TOP3A: variants seen among roughly 807,000 people sequenced by gnomAD.
TOP3A encodes the protein DNA topoisomerase III alpha, also known as DNA topoisomerase 3-alpha.
In TOP3A, 64 loss-of-function variants were observed where a neutral mutation model predicts 111.3. The ratio of observed to expected loss-of-function variants is 0.57; its 90% CI spans 0.47 to 0.71. The LOEUF (loss-of-function observed/expected upper bound fraction) is 0.71. TOP3A is among the 30% of genes least tolerant of loss of function. TOP3A has a pLI of 0.00. For missense variants in TOP3A, 1,104 were observed against 1,285.0 expected (o/e 0.86, Z 2.15); for synonymous variants, 484 against 485.1 (o/e 1.00, Z 0.03).
Position 18,285,400 on chromosome 17 carries a change from C to T in TOP3A, c.1711+7G>A, listed in dbSNP as rs1980027092. ...CACTACCCACTGCAAGCTCTGTCCTCCCTTACCTTCCACAAGTCCCATGCC... is the reference window on the plus strand; with the variant it reads ...CACTACCCACTGCAAGCTCTGTCCTTCCTTACCTTCCACAAGTCCCATGCC... On this transcript the variant is annotated splice_region_variant and intron_variant, in intron 14 of 18. Coordinates refer to ENST00000321105, the MANE Select transcript of TOP3A (RefSeq NM_004618.5). The T allele has an allele frequency of 1.9e-6, 3 of 1,613,964 alleles. No homozygotes were observed. The highest frequency in any genetic ancestry group is 1.3e-5 in the African/African-American group (1 of 74,910).
chr17:18,308,855 A>G lies in TOP3A; in HGVS notation c.240+27T>C, dbSNP rs375857629. The G allele has an allele frequency of 1.8e-5, 26 of 1,448,842 alleles. No homozygotes were observed. In the African/African-American group the frequency reaches 3.0e-4, roughly 17 times the overall value. The allele number at this position is 1,448,842 out of a possible 1,614,324, so 89.7% of individuals were successfully genotyped here. A position where few individuals can be genotyped will look rare whatever the true frequency, so the allele number is the denominator to read the frequency against. On this transcript the variant is annotated intron_variant, in intron 2 of 18. Transcript: ENST00000321105. Reference sequence around the variant, plus strand: ...CTACTTTCTCTTGCTTATGATTGAAATATTTTAGAAATATTTTAGCACCTA... The same window carrying G: ...CTACTTTCTCTTGCTTATGATTGAAGTATTTTAGAAATATTTTAGCACCTA...
chr17:18,286,347 CA>C (rs57468944), intron 13 of TOP3A, among the ~76,000 whole-genome samples: 65,735 of 118,456 alleles, frequency 0.55, 16,216 homozygotes, highest in Non-Finnish European at 0.59. Context: ...ACTAAAAATA[CA>C]AAAAAAAAAA....
rs1978993792 is a variant in TOP3A, at chr17:18,271,546, C to T, written c.*3256G>A. On this transcript the variant is annotated 3_prime_UTR_variant, in exon 19 of 19. Transcript: ENST00000321105. Reference sequence around the variant, plus strand: ...GGCAACTGGGGCTCCAAGGATGAGGCTGCACACCCAGGGTGGCAGAAGAGG... The same window carrying T: ...GGCAACTGGGGCTCCAAGGATGAGGTTGCACACCCAGGGTGGCAGAAGAGG... 1 of 229,376 alleles carries T rather than the reference C, an allele frequency of 4.4e-6. No individual in the cohort carries two copies. Among genetic ancestry groups the T allele is most frequent in the East Asian group, 1.8e-4 (1 of 5,562 alleles). 14.2% of individuals were successfully genotyped at this position (229,376 alleles called of 1,614,324 possible).
intron 4 of TOP3A, 150 bp downstream of exon 4, chr17:18,306,741 A>G (rs1981601665): frequency 1.6e-6 from 1 of 615,794 alleles, no homozygotes; most frequent in African/African-American, 1.8e-5. Context: ...AGCCACATTT[A>G]TACAATGGGT....
rs2142991411 is a variant in TOP3A, at chr17:18,308,874, G to C, written c.240+8C>G. 1 of 1,542,822 alleles carries C rather than the reference G, an allele frequency of 6.5e-7. No homozygotes were observed. The highest frequency in any genetic ancestry group is 1.2e-5 in the South Asian group (1 of 81,644). ...ATTGAAATATTTTAGAAATATTTTA[G>C]CACCTACCTGGCCATACAGATGATA... is the stretch of plus-strand genomic sequence containing the variant. On this transcript the variant is annotated splice_region_variant and intron_variant, in intron 2 of 18. Transcript: ENST00000321105.
rs775902802 is a variant in TOP3A at position 18,274,827 on chromosome 17, C to T, written c.2981G>A (p.Arg994His). 38 of 1,614,016 alleles carry T rather than the reference C, an allele frequency of 2.4e-5. No homozygotes were observed. Among genetic ancestry groups the T allele is most frequent in the South Asian group, 4.4e-5 (4 of 91,082 alleles). ...TCATCTGTTCTGAGGACAAAAGGGA[C>T]GGGTGTGTCCAGGCTGGTGGCAAAG... is the stretch of plus-strand genomic sequence containing the variant. The part of the protein sequence containing the change: ...CSLCHQPGHT[R>H]PFCPQNR Residue 994 changes from arginine (R) to histidine (H), a missense_variant, in exon 19 of 19, where the codon CGT becomes CAT. Arg to His is a conservative substitution (Grantham distance 29). Transcript: ENST00000321105.
At chr17:18,290,113 A>G (rs766223971) in intron 13 of TOP3A, among the ~76,000 whole-genome samples, 2 of 152,192 alleles carry the variant, frequency 1.3e-5, no homozygotes, top group Admixed American at 6.5e-5. Flanking sequence ...TGCCACCCTC[A>G]CCCAATGCTC....
intron 9 of TOP3A, among the ~76,000 whole-genome samples, chr17:18,299,043 T>C (rs1421530657): frequency 2.1e-5 from 3 of 142,524 alleles, no homozygotes; most frequent in Admixed American, 7.0e-5. Context: ...CACCCAAGAA[T>C]GATCAATTAA....
rs147996657 is a variant in TOP3A, at chr17:18,274,443, G to A, written c.*359C>T. On this transcript the variant is annotated 3_prime_UTR_variant, in exon 19 of 19. Transcript: ENST00000321105. ...GGCTCACTTGGGGCTTTCTGCAGGT[G>A]AAGGAAGCAGCCCTGGGAGCTTCTT... 149 of 173,286 alleles carry A rather than the reference G, an allele frequency of 8.6e-4. No individual in the cohort carries two copies. The highest frequency in any genetic ancestry group is 3.3e-3 in the African/African-American group (140 of 42,400). The allele number at this position is 173,286 out of a possible 1,614,324, so 10.7% of individuals were successfully genotyped here. A position where few individuals can be genotyped will look rare whatever the true frequency, so the allele number is the denominator to read the frequency against.
At chr17:18,288,152 T>A (rs1038578466) in intron 13 of TOP3A, among the ~76,000 whole-genome samples, 2,004 of 120,336 alleles carry the variant, frequency 0.017, 34 homozygotes, top group African/African-American at 0.054. Context: ...TATATATAAA[T>A]TTTTTTTTTT....
At chr17:18,295,561 A>C (rs1003204742) in intron 9 of TOP3A, among the ~76,000 whole-genome samples, 1 of 152,008 alleles carries the variant, frequency 6.6e-6, no homozygotes, top group Non-Finnish European at 1.5e-5. Context: ...TCCTGGGTTC[A>C]TGCGATTCTC....
chr17:18,288,131 T>TTATATA (rs142429216), intron 13 of TOP3A, among the ~76,000 whole-genome samples: 1,995 of 122,684 alleles, frequency 0.016, 27 homozygotes, highest in Non-Finnish European at 0.024. Flanking sequence ...CTGTTAATAA[T>TTATATA]TATATATATA....
chr17:18,303,499 T>C (rs1348919242), intron 5 of TOP3A, among the ~76,000 whole-genome samples: 1 of 152,146 alleles, frequency 6.6e-6, no homozygotes, highest in Non-Finnish European at 1.5e-5. Context: ...CAACCGACCA[T>C]ATATTCTATT....
chr17:18,277,563 C>A (rs1979454863), intron 18 of TOP3A, 112 bp downstream of exon 18: 2 of 1,250,860 alleles, frequency 1.6e-6, no homozygotes, highest in Non-Finnish European at 2.2e-6. Flanking sequence ...AGCCCAGGTG[C>A]CCCTCCCAAT....
chr17:18,279,603 A>G (rs1979626703), intron 17 of TOP3A, among the ~76,000 whole-genome samples: 1 of 150,138 alleles, frequency 6.7e-6, no homozygotes, highest in South Asian at 2.1e-4. Flanking sequence ...GTTAGCCAGG[A>G]TGGTCTCGAT....
chr17:18,299,775 C>A, intron 8 of TOP3A, 142 bp from the exon 9 acceptor site: 1 of 737,896 alleles, frequency 1.4e-6, no homozygotes, highest in Admixed American at 2.1e-5. Context: ...AAGAGTGCCC[C>A]ACTTAATGTC....
At chr17:18,283,123 G>A (rs911380804) in intron 15 of TOP3A, among the ~76,000 whole-genome samples, 16 of 152,200 alleles carry the variant, frequency 1.1e-4, no homozygotes, top group Non-Finnish European at 2.4e-4. Context: ...GCTCACGCCT[G>A]TAATCCCAGG....
chr17:18,296,760 T>C (rs1980833394), intron 9 of TOP3A, among the ~76,000 whole-genome samples: 1 of 152,186 alleles, frequency 6.6e-6, no homozygotes, highest in South Asian at 2.1e-4. Context: ...CCAGAGTGAA[T>C]TCTAATAGTA....
chr17:18,284,175 T>TA (rs1979944800), intron 15 of TOP3A, among the ~76,000 whole-genome samples: 1 of 68,990 alleles, frequency 1.4e-5, no homozygotes, highest in African/African-American at 6.0e-5. Flanking sequence ...AATTTTTGTA[T>TA]TTTTTTTTTT....
Sources: allele counts gnomAD v4.1 joint callset (sites outside exome capture counted in the v4.1 genomes callset), GRCh38; gene constraint gnomAD v4.1.1; transcripts MANE v1.5; gene names NCBI Gene and HGNC (gene_info 2026-07-23, HGNC 2026-07-21).